The following ZNF277 variants were observed in gnomAD, a reference collection of about 807,000 sequenced individuals.
ZNF277 encodes the protein zinc finger protein 277, also known as nuclear receptor-interacting factor 4.
Under a neutral mutation model 60.7 loss-of-function variants are expected in ZNF277, and 55 were observed. The observed-to-expected ratio is 0.91, with a 90% CI of 0.73 to 1.13. The LOEUF is 1.13. ZNF277 is among the 50% of genes most tolerant of loss of function. The pLI is 0.00. For synonymous variants in ZNF277, 178 were observed against 179.3 expected (o/e 0.99, Z 0.06); for missense variants, 510 against 523.0 (o/e 0.98, Z 0.24).
chr7:112,303,924 A>T (rs972390378), intron 4 of ZNF277, among the ~76,000 whole-genome samples: 1 of 152,114 alleles, frequency 6.6e-6, no homozygotes, highest in East Asian at 1.9e-4. Flanking sequence ...TGCCTTTATC[A>T]TTGCAGTTTC....
intron 1 of ZNF277, among the ~76,000 whole-genome samples, chr7:112,283,817 T>A (rs1563215091): frequency 6.6e-6 from 1 of 152,278 alleles, no homozygotes; most frequent in East Asian, 1.9e-4. Context: ...ACTCTAGTGA[T>A]TTTTGGACAA....
At chr7:112,254,030 G>A (rs1341517728) in intron 1 of ZNF277, among the ~76,000 whole-genome samples, 1 of 152,140 alleles carries the variant, frequency 6.6e-6, no homozygotes, top group Non-Finnish European at 1.5e-5. Flanking sequence ...CTCCCACAGA[G>A]CATCTCTGTT....
intron 1 of ZNF277, among the ~76,000 whole-genome samples, chr7:112,220,962 C>G (rs889889252): frequency 2.6e-5 from 4 of 152,148 alleles, no homozygotes; most frequent in African/African-American, 4.8e-5. Context: ...TCTATTAAAC[C>G]TTCCAACTGC....
intron 7 of ZNF277, 158 bp downstream of exon 7, chr7:112,330,374 C>T (rs1478481683): frequency 6.0e-6 from 4 of 669,892 alleles, no homozygotes; most frequent in Non-Finnish European, 1.0e-5. Flanking sequence ...GGTTAGAGTA[C>T]AAGACATTTG....
In ZNF277 at chr7:112,343,290, A is replaced by G. The variant is rs1479004256; in HGVS notation, c.*561A>G. The stretch of plus-strand genomic sequence containing the variant: ...AGAACAATCAAGAGCTGACTGTGTT[A>G]TTACCACTTTCTGCCTAGGGTGGCC... On this transcript the variant is annotated 3_prime_UTR_variant, in exon 12 of 12. Coordinates refer to ENST00000361822, the MANE Select transcript of ZNF277 (RefSeq NM_021994.3). 1.3e-5 allele frequency among the ~76,000 whole-genome samples: 2 copies of G among 152,234 alleles called. No individual in the cohort carries two copies. The highest frequency in any genetic ancestry group is 2.4e-5 in the African/African-American group (1 of 41,466).
In ZNF277 at chr7:112,221,142, G is replaced by A. The variant is rs541175235; in HGVS notation, c.91+14335G>A. On this transcript the variant is annotated intron_variant, in intron 1 of 11. Transcript: ENST00000361822. ...CTGATCCAGCGAGGTGCCCATTGCC[G>A]CTCCCGATTGGGCTAAAGGCTGGCC... is the stretch of plus-strand genomic sequence containing the variant. 3.9e-5 allele frequency among the ~76,000 whole-genome samples: 6 copies of A among 152,256 alleles called. No homozygotes were observed. In the South Asian group the frequency reaches 6.2e-4, roughly 16 times the overall value.
chr7:112,302,079 A>G (rs932845898), intron 4 of ZNF277, among the ~76,000 whole-genome samples: 5 of 152,148 alleles, frequency 3.3e-5, no homozygotes, highest in Admixed American at 1.3e-4. Context: ...CTAAATTGGG[A>G]AAGAAGGAAA....
intron 2 of ZNF277, among the ~76,000 whole-genome samples, chr7:112,291,003 T>C (rs1259578649): frequency 3.9e-5 from 6 of 152,172 alleles, no homozygotes. Context: ...TACCTTGTGG[T>C]TTACAAGAAG....
intron 1 of ZNF277, among the ~76,000 whole-genome samples, chr7:112,247,226 C>A (rs757614500): frequency 7.2e-5 from 11 of 152,164 alleles, no homozygotes; most frequent in Admixed American, 3.3e-4. Context: ...CAACTTAAAT[C>A]TGTGCTCCTG....
intron 2 of ZNF277, 56 bp from the exon 3 acceptor site, chr7:112,295,813 T>A: frequency 1.5e-6 from 2 of 1,364,918 alleles, no homozygotes; most frequent in Non-Finnish European, 2.1e-6. Flanking sequence ...CCTGTCATTC[T>A]AAAGCAAATA....
intron 1 of ZNF277, among the ~76,000 whole-genome samples, chr7:112,216,075 A>C (rs1367193590): frequency 2.0e-5 from 3 of 152,212 alleles, no homozygotes; most frequent in Admixed American, 2.0e-4. Flanking sequence ...GGAGAAGGGA[A>C]GGAAAGGAAG....
chr7:112,296,099 A>C, intron 3 of ZNF277, 130 bp from the exon 4 acceptor site: 1 of 989,214 alleles, frequency 1.0e-6, no homozygotes, highest in Non-Finnish European at 1.6e-6. Context: ...AACTTGAATA[A>C]AGCTAAAACA....
intron 1 of ZNF277, among the ~76,000 whole-genome samples, chr7:112,242,404 G>A (rs548291709): frequency 6.6e-6 from 1 of 151,972 alleles, no homozygotes; most frequent in East Asian, 1.9e-4. Flanking sequence ...CTGCTTGCTT[G>A]CGATAGGTGC....
intron 1 of ZNF277, among the ~76,000 whole-genome samples, chr7:112,252,572 G>A (rs1791223704): frequency 6.6e-6 from 1 of 152,088 alleles, no homozygotes; most frequent in South Asian, 2.1e-4. Flanking sequence ...CCCAATTCCT[G>A]AAAAGGAATT....
intron 5 of ZNF277, 67 bp from the exon 6 acceptor site, chr7:112,327,650 C>G: frequency 8.3e-7 from 1 of 1,204,974 alleles, no homozygotes; most frequent in Non-Finnish European, 1.2e-6. Flanking sequence ...TATGTGAATG[C>G]TATTCCAACC....
chr7:112,258,469 A>G (rs1791373818), intron 1 of ZNF277, among the ~76,000 whole-genome samples: 1 of 152,138 alleles, frequency 6.6e-6, no homozygotes, highest in Non-Finnish European at 1.5e-5. Flanking sequence ...ACGCCAAAAA[A>G]AAAAGTATTC....
intron 1 of ZNF277, among the ~76,000 whole-genome samples, chr7:112,238,164 A>C (rs1790852406): frequency 6.6e-6 from 1 of 152,220 alleles, no homozygotes; most frequent in Admixed American, 6.5e-5. Flanking sequence ...ACTGAATAGA[A>C]TAGGAAAGAC....
At chr7:112,208,904 C>G (rs2116941323) in intron 1 of ZNF277, among the ~76,000 whole-genome samples, 2 of 152,252 alleles carry the variant, frequency 1.3e-5, no homozygotes, top group South Asian at 4.1e-4. Flanking sequence ...AGGTCTCGAT[C>G]TGCTGACCTC....
At chr7:112,318,391 A>G (rs1792892152) in intron 5 of ZNF277, 118 bp downstream of exon 5, 20 of 793,528 alleles carry the variant, frequency 2.5e-5, no homozygotes, top group Admixed American at 5.3e-5. Context: ...CCTTTCGTAT[A>G]TAAGCAGTCC....
Sources: allele counts gnomAD v4.1 joint callset (sites outside exome capture counted in the v4.1 genomes callset), GRCh38; gene constraint gnomAD v4.1.1; transcripts MANE v1.5; gene names NCBI Gene and HGNC (gene_info 2026-07-23, HGNC 2026-07-21).